The following LRRN3 variants were observed in gnomAD, a reference collection of about 807,000 sequenced individuals.
The protein encoded by LRRN3 is leucine-rich repeat neuronal protein 3.
LRRN3 carries 15 observed loss-of-function variants against 40.1 expected under a neutral mutation model. The ratio of observed to expected loss-of-function variants is 0.37; its 90% confidence interval spans 0.25 to 0.58. The LOEUF (loss-of-function observed/expected upper bound fraction) is 0.58. LRRN3 is among the 20% of genes least tolerant of loss of function. The pLI, the probability that LRRN3 is intolerant of heterozygous loss-of-function variation, is 0.72. For missense variants in LRRN3, 746 were observed against 837.7 expected (o/e 0.89, Z 1.35); for synonymous variants, 308 against 297.2 (o/e 1.04, Z -0.37).
At position 111,123,777 on chromosome 7, in the gene LRRN3, G is replaced by A; in HGVS notation, c.1005G>A (p.Lys335=). The A allele has an allele frequency of 6.2e-7, 1 of 1,613,978 alleles. No individual in the cohort carries two copies. Among genetic ancestry groups the A allele is most frequent in the Non-Finnish European group, 8.5e-7 (1 of 1,179,974 alleles). ...IHPNAFFRLP[K]LESLMLNSNA... ...CCAATGCATTTTTCAGACTCCCCAAGCTGGAATCACTCATGCTGAACAGCA... is the reference window on the plus strand; with the variant it reads ...CCAATGCATTTTTCAGACTCCCCAAACTGGAATCACTCATGCTGAACAGCA... Residue 335 remains lysine (K), a synonymous_variant, in exon 3 of 3, where the codon AAG becomes AAA. Coordinates refer to ENST00000308478, the MANE Select transcript of LRRN3 (RefSeq NM_001099658.2). This position sits in a 1 kb window ranked among gnomAD's most constrained non-coding sequence, Gnocchi z 6.4.
chr7:111,115,049 G>A (rs1799711069), intron 2 of LRRN3, among the ~76,000 whole-genome samples: 1 of 152,122 alleles, frequency 6.6e-6, no homozygotes, highest in Non-Finnish European at 1.5e-5. Flanking sequence ...TTCAATCTAA[G>A]ATGAGTGAAT....
chr7:111,105,769 A>G (rs76895830), intron 2 of LRRN3, among the ~76,000 whole-genome samples: 1 of 151,926 alleles, frequency 6.6e-6, no homozygotes, highest in African/African-American at 2.4e-5. Context: ...AGAAAAAAAA[A>G]TCCATAAAAA....
intron 2 of LRRN3, among the ~76,000 whole-genome samples, chr7:111,115,517 C>T (rs1229637140): frequency 6.6e-6 from 1 of 151,984 alleles, no homozygotes; most frequent in African/African-American, 2.4e-5. Flanking sequence ...ATTTCATCCC[C>T]CCCTCTGTAA....
At chr7:111,102,304 T>C (rs1384964074) in intron 2 of LRRN3, among the ~76,000 whole-genome samples, 2 of 151,412 alleles carry the variant, frequency 1.3e-5, no homozygotes, top group East Asian at 3.9e-4. Context: ...TTTTAATGCA[T>C]CATGATGACC....
intron 2 of LRRN3, among the ~76,000 whole-genome samples, chr7:111,119,835 G>T (rs1438063323): frequency 6.6e-6 from 1 of 152,172 alleles, no homozygotes; most frequent in Non-Finnish European, 1.5e-5. Flanking sequence ...AAGGATCAAG[G>T]AAATGCCTGA....
Position 111,124,134 on chromosome 7 carries a change from C to T in LRRN3, c.1362C>T (p.Ile454=). The change falls in exon 3 of 3, where the codon ATC becomes ATT. Residue 454 remains isoleucine (I), a synonymous_variant. Transcript: ENST00000308478. ...CTACTGCAGAACCACAGCCTGAAAT[C>T]TACTGGATAACACCTTCTGGTCAAA... ...CRATAEPQPE[I]YWITPSGQKL... The T allele has an allele frequency of 6.2e-7, 1 of 1,614,004 alleles. No homozygotes were observed. The highest frequency in any genetic ancestry group is 1.1e-5 in the South Asian group (1 of 91,082).
rs1236197330 is a variant in LRRN3 at position 111,124,892 on chromosome 7, TG to T, written c.2121del (p.Met707IlefsTer13). 6.4e-7 allele frequency: 1 copy of T among 1,557,530 alleles called. No individual in the cohort carries two copies. Among genetic ancestry groups the T allele is most frequent in the African/African-American group, 1.4e-5 (1 of 70,920 alleles). On this transcript the variant is annotated frameshift_variant, in exon 3 of 3. Transcript: ENST00000308478. LOFTEE classifies it high-confidence loss of function. ...ACTGTTATAGGTTTACCAACAAATA[TG>T]TCCTAAAAACCACCAAGGAAACCTA... ...KATVIGLPTN[M>X]S
Position 111,125,041 on chromosome 7 carries a change from C to T in LRRN3, c.*142C>T. Reference sequence around the variant, plus strand: ...TTTCGAGAGAGAAGTTTAAGCTTCACCAATGCTGCTCCTGACCAATGGAAA... The same window carrying T: ...TTTCGAGAGAGAAGTTTAAGCTTCATCAATGCTGCTCCTGACCAATGGAAA... On this transcript the variant is annotated 3_prime_UTR_variant, in exon 3 of 3. Transcript: ENST00000308478. 1 of 634,950 alleles carries T rather than the reference C, an allele frequency of 1.6e-6. No individual in the cohort carries two copies. The highest frequency in any genetic ancestry group is 2.7e-6 in the Non-Finnish European group (1 of 373,288). 39.3% of individuals were successfully genotyped at this position (634,950 alleles called of 1,614,324 possible). A position where few individuals can be genotyped will look rare whatever the true frequency, so the allele number is the denominator to read the frequency against.
intron 2 of LRRN3, among the ~76,000 whole-genome samples, chr7:111,114,271 G>T (rs2129584805): frequency 6.6e-6 from 1 of 151,982 alleles, no homozygotes; most frequent in African/African-American, 2.4e-5. Flanking sequence ...AGCTCCTAAG[G>T]ATCTTTTTAT....
chr7:111,122,778 G>T lies in LRRN3; in HGVS notation c.6G>T (p.Lys2Asn). Residue 2 changes from lysine (K) to asparagine (N), a missense_variant, in exon 3 of 3, where the codon AAG becomes AAT. Lys to Asn is a moderately conservative substitution (Grantham distance 94). Transcript: ENST00000308478. ...TTCTGAAGAAGAAAGCTAAGATGAA[G>T]GACATGCCACTCCGAATTCATGTGC... MKDMPLRIHVLL... is the reference protein window; with the variant it reads MNDMPLRIHVLL... The T allele has an allele frequency of 6.2e-7, 1 of 1,611,456 alleles. No individual in the cohort carries two copies. Among genetic ancestry groups the T allele is most frequent in the South Asian group, 1.1e-5 (1 of 90,686 alleles).
intron 2 of LRRN3, among the ~76,000 whole-genome samples, chr7:111,121,729 G>A (rs901209860): frequency 2.0e-5 from 3 of 152,006 alleles, no homozygotes; most frequent in Non-Finnish European, 2.9e-5. Context: ...CCCATTACTG[G>A]GTATATACCC....
chr7:111,120,481 T>A (rs1453444905), intron 2 of LRRN3, among the ~76,000 whole-genome samples: 1 of 152,064 alleles, frequency 6.6e-6, no homozygotes, highest in African/African-American at 2.4e-5. Context: ...TCCCACCAGG[T>A]CCCTCCCACA....
rs1361569742 is a variant in LRRN3, at chr7:111,124,435, A to G, written c.1663A>G (p.Thr555Ala). 1 of 1,613,750 alleles carries G rather than the reference A, an allele frequency of 6.2e-7. No homozygotes were observed. The highest frequency in any genetic ancestry group is 8.5e-7 in the Non-Finnish European group (1 of 1,179,856). Residue 555 changes from threonine (T) to alanine (A), a missense_variant, in exon 3 of 3, where the codon ACA (threonine) becomes GCA (alanine). Coordinates refer to ENST00000308478, the MANE Select transcript of LRRN3 (RefSeq NM_001099658.2). ...AATTCTCAAATCTAGTGTTAAATGG[A>G]CAGCCTTTGTCAAGACTGAAAATTC... ...SKILKSSVKW[T>A]AFVKTENSHA...
intron 1 of LRRN3, among the ~76,000 whole-genome samples, chr7:111,098,673 A>ATCTT (rs1217915387): frequency 3.3e-5 from 5 of 151,850 alleles, no homozygotes; most frequent in African/African-American, 1.2e-4. Flanking sequence ...TTCTCATTTA[A>ATCTT]TCTTCATAAC....
Position 111,124,499 on chromosome 7 carries a change from A to T in LRRN3, c.1727A>T (p.Lys576Met), listed in dbSNP as rs1344920526. The change falls in exon 3 of 3, where the codon AAG (lysine) becomes ATG (methionine). Residue 576 changes from lysine to methionine, a missense_variant. Lys to Met is a moderately conservative substitution (Grantham distance 95, BLOSUM62 -1). Coordinates refer to ENST00000308478, the MANE Select transcript of LRRN3 (RefSeq NM_001099658.2). Reference sequence around the variant, plus strand: ...AGTGCTCGAATACCATCTGATGTCAAGGTATATAATCTTACTCATCTGAAT... The same window carrying T: ...AGTGCTCGAATACCATCTGATGTCATGGTATATAATCTTACTCATCTGAAT... ...AQSARIPSDV[K>M]VYNLTHLNPS... is the part of the protein sequence containing the mutation. The T allele has an allele frequency of 6.2e-7, 1 of 1,613,958 alleles. No individual in the cohort carries two copies. Among genetic ancestry groups the T allele is most frequent in the Non-Finnish European group, 8.5e-7 (1 of 1,179,960 alleles).
intron 2 of LRRN3, among the ~76,000 whole-genome samples, chr7:111,122,187 C>T (rs1354835453): frequency 3.3e-5 from 5 of 151,516 alleles, no homozygotes; most frequent in Admixed American, 6.6e-5. Flanking sequence ...CAAACCTGCA[C>T]GTTGTGCACA....
chr7:111,108,002 T>C (rs569349730), intron 2 of LRRN3, among the ~76,000 whole-genome samples: 1 of 152,294 alleles, frequency 6.6e-6, no homozygotes, highest in African/African-American at 2.4e-5. Context: ...ATCAACTTTT[T>C]CTTAACCGAG....
Position 111,125,222 on chromosome 7 carries a change from G to C in LRRN3, c.*323G>C, listed in dbSNP as rs987999659. The C allele has an allele frequency of 4.3e-6, 1 of 233,962 alleles. No individual in the cohort carries two copies. The highest frequency in any genetic ancestry group is 9.0e-6 in the Non-Finnish European group (1 of 111,352). The allele number at this position is 233,962 out of a possible 1,614,324, so 14.5% of individuals were successfully genotyped here. On this transcript the variant is annotated 3_prime_UTR_variant, in exon 3 of 3. Transcript: ENST00000308478. ...TTCTGTATTTTTTTTAAGTAAATAAGAGTAGTTGAACTGAGCAATACCTCC... is the reference window on the plus strand; with the variant it reads ...TTCTGTATTTTTTTTAAGTAAATAACAGTAGTTGAACTGAGCAATACCTCC...
rs770897902 is a variant in LRRN3, at chr7:111,123,813, T to G, written c.1041T>G (p.Ser347Arg). 3.1e-6 allele frequency: 5 copies of G among 1,614,002 alleles called. No homozygotes were observed. The Admixed American group carries it at 8.3e-5, about 27-fold the overall frequency. ...ESLMLNSNAL[S>R]ALYHGTIESL... Reference sequence around the variant, plus strand: ...TCATGCTGAACAGCAATGCTCTCAGTGCCCTGTACCATGGTACCATTGAGT... The same window carrying G: ...TCATGCTGAACAGCAATGCTCTCAGGGCCCTGTACCATGGTACCATTGAGT... The change falls in exon 3 of 3, where the codon AGT (serine) becomes AGG (arginine). Residue 347 changes from serine (S) to arginine (R), a missense_variant. Ser to Arg is a moderately radical substitution (Grantham distance 110, BLOSUM62 -1). Transcript: ENST00000308478. This position sits in a 1 kb window ranked among gnomAD's most constrained non-coding sequence, Gnocchi z 6.4.
Sources: gnomAD v4.1 joint callset for allele counts (sites outside exome capture counted in the v4.1 genomes callset) on GRCh38, gnomAD v4.1.1 for gene constraint, Gnocchi (gnomAD v3.1) non-coding constraint, MANE v1.5 for transcripts, NCBI Gene and HGNC (gene_info 2026-07-23, HGNC 2026-07-21) for gene names.